Variants in CCL28 observed in about 807,000 individuals in gnomAD.
CCL28 encodes the protein C-C motif chemokine 28.
CCL28 carries 4 observed loss-of-function variants against 7.1 expected under a neutral mutation model. The ratio of observed to expected loss-of-function variants is 0.56; its 90% confidence interval spans 0.28 to 1.29. The LOEUF (loss-of-function observed/expected upper bound fraction) is 1.29. CCL28 is among the 50% of genes most tolerant of loss of function. The pLI, the probability that CCL28 is intolerant of heterozygous loss-of-function variation, is 0.11. For synonymous variants in CCL28, 55 were observed against 57.8 expected (o/e 0.95, Z 0.22); for missense variants, 151 against 163.4 (o/e 0.92, Z 0.41).
chr5:43,397,855 TTCTC>T (rs1377606066), intron 1 of CCL28, among the ~76,000 whole-genome samples: 4 of 152,194 alleles, frequency 2.6e-5, no homozygotes, highest in Non-Finnish European at 5.9e-5. Flanking sequence ...TATTCATTTA[TTCTC>T]TCTTTTTTTT....
the CCL28 span, among the ~76,000 whole-genome samples, chr5:43,369,636 C>T: frequency 1.3e-5 from 2 of 152,110 alleles, no homozygotes; most frequent in Non-Finnish European, 2.9e-5. Context: ...GTTGGCCAGG[C>T]TGGTCTCGAA....
intron 1 of CCL28, among the ~76,000 whole-genome samples, chr5:43,408,641 A>T (rs942549736): frequency 7.2e-5 from 11 of 152,280 alleles, no homozygotes; most frequent in Non-Finnish European, 1.5e-4. Flanking sequence ...AGTATAATAA[A>T]AAAAAATTGG....
the CCL28 span, among the ~76,000 whole-genome samples, chr5:43,359,181 A>G: frequency 0.45 from 68,655 of 152,006 alleles, 16,257 homozygotes; most frequent in Middle Eastern, 0.61. Context: ...CGGTGCTAGA[A>G]GAATTAAGAG....
At chr5:43,358,858 G>A in the CCL28 span, among the ~76,000 whole-genome samples, 6 of 152,298 alleles carry the variant, frequency 3.9e-5, no homozygotes, top group South Asian at 1.2e-3. Context: ...GATTATGACA[G>A]CAAGAGAGGT....
intron 2 of CCL28, among the ~76,000 whole-genome samples, chr5:43,384,341 T>A (rs1177254276): frequency 6.6e-6 from 1 of 152,128 alleles, no homozygotes; most frequent in Non-Finnish European, 1.5e-5. Context: ...TGAGGCAACC[T>A]CTCAATGTAA....
chr5:43,408,824 A>G (rs1052663674), intron 1 of CCL28, among the ~76,000 whole-genome samples: 27 of 151,872 alleles, frequency 1.8e-4, no homozygotes, highest in African/African-American at 6.5e-4. Context: ...TGTAACTTTC[A>G]TAATATTAGG....
chr5:43,366,527 C>A, the CCL28 span, among the ~76,000 whole-genome samples: 2 of 152,200 alleles, frequency 1.3e-5, no homozygotes, highest in Non-Finnish European at 2.9e-5. Context: ...AGCTTCATCC[C>A]AGAAGGGCAC....
chr5:43,388,538 TC>T, intron 1 of CCL28, 62 bp from the exon 2 acceptor site: 1 of 1,518,714 alleles, frequency 6.6e-7, no homozygotes, highest in Non-Finnish European at 8.9e-7. Context: ...GGCATGGTTC[TC>T]ATTTTAAAGA....
chr5:43,373,525 C>A (rs1739829143), downstream of CCL28, among the ~76,000 whole-genome samples: 1 of 152,114 alleles, frequency 6.6e-6, no homozygotes, highest in African/African-American at 2.4e-5. Flanking sequence ...GTCTTGAACT[C>A]CCAACCTCAG....
chr5:43,363,944 C>T, the CCL28 span, among the ~76,000 whole-genome samples: 1 of 152,176 alleles, frequency 6.6e-6, no homozygotes, highest in African/African-American at 2.4e-5. Flanking sequence ...ACTAGTGAAT[C>T]ATCATCCCCA....
chr5:43,382,351 A>T, intron 2 of CCL28, among the ~76,000 whole-genome samples: 1 of 152,174 alleles, frequency 6.6e-6, no homozygotes, highest in Non-Finnish European at 1.5e-5. Context: ...AAGGAGGGAG[A>T]AAAAAGAGGA....
chr5:43,369,660 G>A, the CCL28 span, among the ~76,000 whole-genome samples: 1 of 152,128 alleles, frequency 6.6e-6, no homozygotes. Context: ...CTGACCTCAA[G>A]TGATCCACCC....
At chr5:43,382,696 CTT>C (rs1368349332) in intron 2 of CCL28, among the ~76,000 whole-genome samples, 1 of 152,056 alleles carries the variant, frequency 6.6e-6, no homozygotes, top group Non-Finnish European at 1.5e-5. Flanking sequence ...AAAACTTAAA[CTT>C]AATTTAAAAC....
At chr5:43,361,694 A>G in the CCL28 span, among the ~76,000 whole-genome samples, 1 of 152,078 alleles carries the variant, frequency 6.6e-6, no homozygotes. Flanking sequence ...TCTAGTTTCA[A>G]TGTTCTGTAT....
the CCL28 span, among the ~76,000 whole-genome samples, chr5:43,363,288 G>A: frequency 6.6e-6 from 1 of 152,144 alleles, no homozygotes; most frequent in African/African-American, 2.4e-5. Flanking sequence ...TATTCACTGA[G>A]CACCTTCCAC....
the CCL28 span, among the ~76,000 whole-genome samples, chr5:43,371,443 C>T: frequency 1.3e-5 from 2 of 152,244 alleles, no homozygotes; most frequent in African/African-American, 2.4e-5. Flanking sequence ...GGATAAGTCA[C>T]TTCTAATGCT....
the CCL28 span, among the ~76,000 whole-genome samples, chr5:43,361,618 T>A: frequency 1.3e-5 from 2 of 152,182 alleles, no homozygotes; most frequent in African/African-American, 4.8e-5. Context: ...TTTTTATAGT[T>A]TTGGGTTTTA....
the CCL28 span, among the ~76,000 whole-genome samples, chr5:43,359,890 A>G: frequency 2.6e-5 from 4 of 152,062 alleles, no homozygotes; most frequent in Admixed American, 6.6e-5. Flanking sequence ...GGCAGATTCA[A>G]TGCATGAGGA....
intron 1 of CCL28, among the ~76,000 whole-genome samples, chr5:43,399,675 C>T (rs1740952888): frequency 6.6e-6 from 1 of 152,086 alleles, no homozygotes; most frequent in Admixed American, 6.5e-5. Flanking sequence ...TCTTATGTCC[C>T]AAATTATCTA....
Sources: allele counts gnomAD v4.1 joint callset (sites outside exome capture counted in the v4.1 genomes callset), GRCh38; gene constraint gnomAD v4.1.1; transcripts MANE v1.5; gene names NCBI Gene and HGNC (gene_info 2026-07-23, HGNC 2026-07-21).